The following MSN variants were observed in gnomAD, a reference collection of about 807,000 sequenced individuals.
The protein encoded by MSN is epididymis luminal protein 70.
MSN carries 2 observed loss-of-function variants against 48.0 expected under a neutral mutation model. That is an observed-to-expected ratio of 0.04 (90% CI 0.02 to 0.13). MSN has a LOEUF of 0.13. MSN is among the 10% of genes least tolerant of loss of function. The pLI is 1.00. For missense variants in MSN, 267 were observed against 470.1 expected (o/e 0.57, Z 3.99); for synonymous variants, 146 against 166.9 (o/e 0.87, Z 0.97).
intron 1 of MSN, among the ~76,000 whole-genome samples, chrX:65,688,760 G>C (rs908755997): frequency 8.9e-6 from 1 of 112,115 alleles, no homozygotes; most frequent in East Asian, 2.8e-4. Flanking sequence ...TGTTATATTT[G>C]TGTCCTGCCT....
chrX:65,612,735 A>G (rs1354073121), intron 1 of MSN, among the ~76,000 whole-genome samples: 2 of 107,571 alleles, frequency 1.9e-5, no homozygotes, highest in African/African-American at 6.8e-5. Flanking sequence ...TAATTTCTGT[A>G]TTTTTAGTAG....
chrX:65,646,147 C>G (rs1360753475), intron 1 of MSN, among the ~76,000 whole-genome samples: 1 of 112,010 alleles, frequency 8.9e-6, no homozygotes, highest in East Asian at 2.8e-4. Flanking sequence ...ATGAGTATAT[C>G]TTTTCCTTTT....
At chrX:65,624,566 T>C (rs1239335814) in intron 1 of MSN, 6 of 89,442 alleles carry the variant, frequency 6.7e-5, no homozygotes, top group Non-Finnish European at 1.2e-4. Flanking sequence ...TTGTGTTTAG[T>C]GGGTTTTTTT....
At chrX:65,716,541 G>T (rs1206967381) in intron 1 of MSN, 2 of 380,774 alleles carry the variant, frequency 5.3e-6, no homozygotes, top group African/African-American at 5.0e-5. Context: ...CTCCCAAAGT[G>T]CTGGGATTAC....
At chrX:65,644,481 G>A (rs376599587) in intron 1 of MSN, among the ~76,000 whole-genome samples, 4 of 111,518 alleles carry the variant, frequency 3.6e-5, no homozygotes, top group Non-Finnish European at 5.6e-5. Flanking sequence ...TCAGAACTGC[G>A]TATCACTGAC....
At chrX:65,602,484 ATGCTCTCCAGCTC>A (rs1449128002) in intron 1 of MSN, among the ~76,000 whole-genome samples, 5 of 110,402 alleles carry the variant, frequency 4.5e-5, no homozygotes, top group Admixed American at 3.8e-4. Flanking sequence ...TTATGGAGGA[ATGCTCTCCAGCTC>A]CACTCTCCAG....
Position 65,690,435 on chromosome X carries a change from G to T in MSN, c.12+22582G>T, listed in dbSNP as rs971151215. 6.2e-5 allele frequency among the ~76,000 whole-genome samples: 7 copies of T among 112,026 alleles called. 1 individual carries two copies. Among genetic ancestry groups the T allele is most frequent in the African/African-American group, 1.9e-4 (6 of 30,859 alleles). On this transcript the variant is annotated intron_variant, in intron 1 of 12. Transcript: ENST00000360270. ...CCCCAACCCAAAAGTGCTGGAGGAA[G>T]GGGTGGGGTTAACTAATTGCACCCA...
At chrX:65,616,100 T>G (rs2070368830) in intron 1 of MSN, among the ~76,000 whole-genome samples, 1 of 111,777 alleles carries the variant, frequency 8.9e-6, no homozygotes, top group South Asian at 3.7e-4. Context: ...GCTGTTTTGG[T>G]TACTGTAGCC....
At chrX:65,648,410 G>C (rs747162290) in intron 1 of MSN, among the ~76,000 whole-genome samples, 4 of 110,924 alleles carry the variant, frequency 3.6e-5, no homozygotes, top group Non-Finnish European at 5.7e-5. Context: ...AAAATTAGCC[G>C]GGCGTGGTCG....
chrX:65,719,399 TG>T (rs1320629488), intron 2 of MSN, among the ~76,000 whole-genome samples: 1 of 112,269 alleles, frequency 8.9e-6, no homozygotes, highest in African/African-American at 3.2e-5. Flanking sequence ...CTCCCATTTC[TG>T]TTCCTAGTAT....
At chrX:65,620,078 G>A (rs1480755164) in intron 1 of MSN, among the ~76,000 whole-genome samples, 2 of 112,273 alleles carry the variant, frequency 1.8e-5, no homozygotes, top group Non-Finnish European at 3.8e-5. Context: ...CAGATCTCCA[G>A]CTGCGTGCTG....
At chrX:65,684,194 G>T (rs780160873) in intron 1 of MSN, among the ~76,000 whole-genome samples, 16 of 110,817 alleles carry the variant, frequency 1.4e-4, no homozygotes, top group African/African-American at 5.2e-4. Flanking sequence ...CACCTGCCTC[G>T]GCCTCCCAAA....
chrX:65,709,661 G>A (rs949079501), intron 1 of MSN, among the ~76,000 whole-genome samples: 1 of 112,627 alleles, frequency 8.9e-6, no homozygotes, highest in Non-Finnish European at 1.9e-5. Context: ...ATTTGATTAC[G>A]TACTTTGGGC....
At chrX:65,728,763 T>G (rs2071593822) in intron 3 of MSN, among the ~76,000 whole-genome samples, 1 of 111,910 alleles carries the variant, frequency 8.9e-6, no homozygotes, top group Non-Finnish European at 1.9e-5. Context: ...ATGGGATGGT[T>G]TGAGTCCATG....
intron 1 of MSN, among the ~76,000 whole-genome samples, chrX:65,627,447 G>T (rs1462318435): frequency 9.0e-6 from 1 of 110,860 alleles, no homozygotes; most frequent in East Asian, 2.8e-4. Flanking sequence ...CATGGCAGTG[G>T]CAAGAGAAAA....
intron 1 of MSN, chrX:65,624,914 C>T (rs1457050565): frequency 9.0e-6 from 1 of 111,313 alleles, no homozygotes; most frequent in Non-Finnish European, 1.9e-5. Flanking sequence ...AGGAAGGAAG[C>T]AAGGGACGAA....
intron 1 of MSN, among the ~76,000 whole-genome samples, chrX:65,692,722 C>T (rs2071186662): frequency 9.0e-6 from 1 of 111,486 alleles, no homozygotes; most frequent in Non-Finnish European, 1.9e-5. Flanking sequence ...TCTTGTTGCC[C>T]AGGCTGGAGT....
intron 1 of MSN, among the ~76,000 whole-genome samples, chrX:65,603,109 C>T (rs1331466989): frequency 8.9e-6 from 1 of 111,869 alleles, no homozygotes; most frequent in Non-Finnish European, 1.9e-5. Context: ...GCCTGGCGAA[C>T]ATGGTGAAAC....
Position 65,615,655 on chromosome X carries a change from T to G in MSN, c.-22+27043T>G, listed in dbSNP as rs1198531533. On this transcript the variant is annotated intron_variant, in intron 1 of 3. Transcript: ENST00000609672. ...GAAAATTTTCTCCCATTTTGTAGGT[T>G]GCCTGTTCACTCTGATGGTAGTTTC... is the stretch of plus-strand genomic sequence containing the variant. Among the ~76,000 whole-genome samples the G allele has an allele frequency of 1.0e-3, 101 of 101,125 alleles. 1 individual carries two copies. Among genetic ancestry groups the G allele is most frequent in the African/African-American group, 3.5e-3 (94 of 27,168 alleles). 87.8% of individuals were successfully genotyped at this position (101,125 alleles called of 115,157 possible). A position where few individuals can be genotyped will look rare whatever the true frequency, so the allele number is the denominator to read the frequency against.
Sources: allele counts gnomAD v4.1 joint callset (sites outside exome capture counted in the v4.1 genomes callset), GRCh38; gene constraint gnomAD v4.1.1; transcripts MANE v1.5; gene names NCBI Gene and HGNC (gene_info 2026-07-23, HGNC 2026-07-21).